The following GALNT17 variants were observed in gnomAD, a reference collection of about 807,000 sequenced individuals.
GALNT17 encodes the protein UDP-GalNAc:polypeptide N-acetylgalactosaminyltransferase-like 3.
Under a neutral mutation model 63.7 loss-of-function variants are expected in GALNT17, and 29 were observed. The ratio of observed to expected loss-of-function variants is 0.46; its 90% CI spans 0.34 to 0.62. GALNT17 has a LOEUF of 0.62. Ranked by LOEUF, GALNT17 falls within the 20% of genes least tolerant of loss-of-function variation. GALNT17 has a pLI of 0.01. For synonymous variants in GALNT17, 305 were observed against 318.3 expected (o/e 0.96, Z 0.45); for missense variants, 603 against 799.6 (o/e 0.75, Z 2.97).
At chr7:71,158,869 C>T (rs1309905047) in intron 1 of GALNT17, among the ~76,000 whole-genome samples, 3 of 151,824 alleles carry the variant, frequency 2.0e-5, no homozygotes, top group African/African-American at 7.3e-5. Flanking sequence ...GCCACCACGC[C>T]CGGCAATTTT....
chr7:71,198,258 A>G (rs942926205), intron 1 of GALNT17, among the ~76,000 whole-genome samples: 5 of 151,920 alleles, frequency 3.3e-5, no homozygotes, highest in African/African-American at 1.2e-4. Context: ...TGTGGGTTAA[A>G]TTAGAAATAT....
At chr7:71,151,598 C>CGACA (rs1285726973) in intron 1 of GALNT17, among the ~76,000 whole-genome samples, 1 of 143,848 alleles carries the variant, frequency 7.0e-6, no homozygotes, top group Non-Finnish European at 1.5e-5. Flanking sequence ...CCAGCCTGGG[C>CGACA]GACACAGCAA....
intron 5 of GALNT17, among the ~76,000 whole-genome samples, chr7:71,439,719 G>A (rs1206477180): frequency 1.3e-5 from 2 of 152,130 alleles, no homozygotes; most frequent in East Asian, 3.8e-4. Context: ...TGAATTAAAT[G>A]CTCAGTTCCT....
chr7:71,590,776 G>A (rs1018521899), intron 6 of GALNT17, among the ~76,000 whole-genome samples: 2 of 152,124 alleles, frequency 1.3e-5, no homozygotes, highest in Non-Finnish European at 2.9e-5. Context: ...TGCCCAGGCT[G>A]GAGTGTAGTG....
At chr7:71,376,425 G>GTGTTTTTTT in intron 2 of GALNT17, among the ~76,000 whole-genome samples, 2 of 63,362 alleles carry the variant, frequency 3.2e-5, no homozygotes, top group East Asian at 7.2e-4. Context: ...GTTTGGAGTT[G>GTGTTTTTTT]TTTTTTTTTT....
intron 1 of GALNT17, among the ~76,000 whole-genome samples, chr7:71,206,299 C>T (rs1409384715): frequency 6.6e-6 from 1 of 151,900 alleles, no homozygotes; most frequent in Non-Finnish European, 1.5e-5. Context: ...CTAGATCTCC[C>T]ACCTTCCCCA....
intron 2 of GALNT17, 51 bp downstream of exon 2, chr7:71,335,784 T>G: frequency 7.1e-7 from 1 of 1,407,480 alleles, no homozygotes; most frequent in Non-Finnish European, 9.4e-7. Context: ...TCAGAGTGGG[T>G]GTAGACCCCT....
intron 6 of GALNT17, among the ~76,000 whole-genome samples, chr7:71,617,045 A>T (rs559074335): frequency 1.4e-5 from 2 of 147,140 alleles, no homozygotes; most frequent in East Asian, 3.9e-4. Flanking sequence ...ATATATAAAT[A>T]TATTAATTAT....
chr7:71,327,130 G>A (rs6967666), intron 1 of GALNT17, among the ~76,000 whole-genome samples: 96,608 of 151,470 alleles, frequency 0.64, 31,078 homozygotes, highest in African/African-American at 0.73. Context: ...GTGACCACAT[G>A]TATGCCATTA....
At chr7:71,320,949 G>T (rs1478461737) in intron 1 of GALNT17, among the ~76,000 whole-genome samples, 1 of 152,164 alleles carries the variant, frequency 6.6e-6, no homozygotes, top group East Asian at 1.9e-4. Flanking sequence ...ATTGGTGAAG[G>T]TTCGTGTCCC....
intron 5 of GALNT17, among the ~76,000 whole-genome samples, chr7:71,524,270 T>C (rs1008172407): frequency 6.8e-6 from 1 of 146,328 alleles, no homozygotes; most frequent in African/African-American, 2.5e-5. Context: ...TTATATATAA[T>C]TATATATTAT....
chr7:71,252,208 C>T (rs1466754591), intron 1 of GALNT17, among the ~76,000 whole-genome samples: 5 of 139,408 alleles, frequency 3.6e-5, no homozygotes, highest in African/African-American at 1.3e-4. Context: ...CTTTTATCTG[C>T]GATCCTGAAA....
intron 1 of GALNT17, among the ~76,000 whole-genome samples, chr7:71,249,046 A>G (rs1373925826): frequency 1.3e-5 from 2 of 152,222 alleles, no homozygotes; most frequent in African/African-American, 2.4e-5. Flanking sequence ...CACCATTGTC[A>G]TTATAATGTT....
At chr7:71,349,075 C>A (rs142826512) in intron 2 of GALNT17, among the ~76,000 whole-genome samples, 2 of 152,208 alleles carry the variant, frequency 1.3e-5, no homozygotes, top group African/African-American at 2.4e-5. Flanking sequence ...ACTTGCAGTA[C>A]GGGAAACATT....
chr7:71,626,651 G>A (rs1194160136), intron 6 of GALNT17, among the ~76,000 whole-genome samples: 1 of 152,226 alleles, frequency 6.6e-6, no homozygotes, highest in Non-Finnish European at 1.5e-5. Context: ...GGAGCCCTGA[G>A]TGCTGAAAGT....
intron 5 of GALNT17, among the ~76,000 whole-genome samples, chr7:71,449,768 G>A (rs1047481722): frequency 4.6e-5 from 7 of 151,894 alleles, no homozygotes; most frequent in Non-Finnish European, 7.4e-5. Context: ...CTAACCGGGC[G>A]CGGTGGCTCA....
chr7:71,265,116 A>ATTTTTTTTTTTT (rs1562957669), intron 1 of GALNT17, among the ~76,000 whole-genome samples: 1 of 59,036 alleles, frequency 1.7e-5, no homozygotes, highest in Non-Finnish European at 3.3e-5. Flanking sequence ...ATATATATAT[A>ATTTTTTTTTTTT]TATTTTTTTT....
intron 5 of GALNT17, among the ~76,000 whole-genome samples, chr7:71,567,834 C>T (rs1401949173): frequency 6.6e-6 from 1 of 152,146 alleles, no homozygotes; most frequent in Admixed American, 6.6e-5. Flanking sequence ...GTGGCAGCAC[C>T]AGCGTTTAAC....
chr7:71,449,833 G>T (rs893136258), intron 5 of GALNT17, among the ~76,000 whole-genome samples: 2 of 151,964 alleles, frequency 1.3e-5, no homozygotes, highest in Non-Finnish European at 2.9e-5. Flanking sequence ...CCTGAGGTTG[G>T]AAGTTCGAGA....
Sources: gnomAD v4.1 joint callset for allele counts (sites outside exome capture counted in the v4.1 genomes callset) on GRCh38, gnomAD v4.1.1 for gene constraint, MANE v1.5 for transcripts, NCBI Gene and HGNC (gene_info 2026-07-23, HGNC 2026-07-21) for gene names.